The following TENM2 variants were observed in gnomAD, a reference collection of about 807,000 sequenced individuals.
The protein encoded by TENM2 is teneurin transmembrane protein 2, also known as teneurin-2.
In TENM2, 52 loss-of-function variants were observed where a neutral mutation model predicts 245.2. That is an observed-to-expected ratio of 0.21 (90% CI 0.17 to 0.27). The LOEUF is 0.27. Ranked by LOEUF, TENM2 falls within the 10% of genes least tolerant of loss-of-function variation. The pLI is 1.00. For synonymous variants in TENM2, 1,363 were observed against 1,438.9 expected, an observed-to-expected ratio of 0.95 and a Z score of 1.19; for missense variants, 3,046 against 3,666.8, an observed-to-expected ratio of 0.83 and a Z score of 4.37.
chr5:167,017,152 G>A, the TENM2 span, among the ~76,000 whole-genome samples: 3 of 152,160 alleles, frequency 2.0e-5, no homozygotes, highest in Admixed American at 6.5e-5. Context: ...TGGACTCTGG[G>A]TAAAAATCTG....
intron 2 of TENM2, among the ~76,000 whole-genome samples, chr5:167,495,580 G>T (rs910620080): frequency 1.3e-5 from 2 of 152,054 alleles, no homozygotes; most frequent in African/African-American, 4.8e-5. Context: ...GCATATTAAG[G>T]AAGTGCCGAA....
intron 1 of TENM2, among the ~76,000 whole-genome samples, chr5:167,361,106 G>A (rs1759684238): frequency 6.6e-6 from 1 of 152,148 alleles, no homozygotes; most frequent in Non-Finnish European, 1.5e-5. Flanking sequence ...GCTGAGTGAT[G>A]TGACATAATA....
intron 9 of TENM2, among the ~76,000 whole-genome samples, chr5:168,099,044 G>A (rs1793594726): frequency 6.6e-6 from 1 of 152,004 alleles, no homozygotes. Context: ...CAAGTAGCTG[G>A]AATTACAGGC....
rs144845121 is a variant in TENM2, at chr5:167,594,716, G to A, written c.502+219243G>A. Among the ~76,000 whole-genome samples the A allele has an allele frequency of 1.9e-4, 29 of 152,270 alleles. No individual in the cohort carries two copies. In the East Asian group the frequency reaches 5.6e-3, roughly 29 times the overall value. On this transcript the variant is annotated intron_variant, in intron 2 of 28. Coordinates refer to ENST00000518659, the Ensembl canonical transcript of TENM2. The stretch of plus-strand genomic sequence containing the variant: ...AGGGATTCAGATAGCAAAGGAGAGA[G>A]GATTGTGCACTTTGGTGTCTTTTCA...
intron 2 of TENM2, among the ~76,000 whole-genome samples, chr5:167,390,050 G>T (rs975291201): frequency 2.6e-5 from 4 of 152,074 alleles, no homozygotes; most frequent in Non-Finnish European, 5.9e-5. Context: ...AGGTCCTATT[G>T]TACCTTATTG....
chr5:168,047,484 A>T, exon 6 of TENM2: 1 of 1,551,714 alleles, frequency 6.4e-7, no homozygotes, highest in Non-Finnish European at 8.7e-7. Flanking sequence ...CACACCTTTA[A>T]CAATGGGATA....
intron 3 of TENM2, among the ~76,000 whole-genome samples, chr5:167,904,319 G>A (rs1040085893): frequency 6.6e-6 from 1 of 152,090 alleles, no homozygotes; most frequent in Non-Finnish European, 1.5e-5. Context: ...CCTGGACAAT[G>A]GTGAGCAATC....
chr5:167,971,045 T>A (rs1395423422), intron 4 of TENM2, among the ~76,000 whole-genome samples: 2 of 152,190 alleles, frequency 1.3e-5, no homozygotes, highest in African/African-American at 4.8e-5. Context: ...GGGGACATCC[T>A]CATGTCCTGT....
chr5:167,207,523 A>G, the TENM2 span, among the ~76,000 whole-genome samples: 1 of 152,186 alleles, frequency 6.6e-6, no homozygotes, highest in Non-Finnish European at 1.5e-5. Flanking sequence ...CACATCTGCA[A>G]GCCAAATTAG....
the TENM2 span, among the ~76,000 whole-genome samples, chr5:167,069,386 C>T: frequency 6.6e-6 from 1 of 152,260 alleles, no homozygotes; most frequent in Non-Finnish European, 1.5e-5. Context: ...ATTAAAGAAT[C>T]TCCAAATCTT....
At chr5:167,671,595 T>G (rs1042615030) in intron 2 of TENM2, among the ~76,000 whole-genome samples, 10 of 152,166 alleles carry the variant, frequency 6.6e-5, no homozygotes, top group Non-Finnish European at 1.2e-4. Flanking sequence ...AATATTGTAT[T>G]TTATAGTGAT....
At chr5:167,044,871 C>A in the TENM2 span, among the ~76,000 whole-genome samples, 1 of 152,188 alleles carries the variant, frequency 6.6e-6, no homozygotes, top group Admixed American at 6.5e-5. Flanking sequence ...CTTATTGCAG[C>A]AGCAAGAGAG....
intron 2 of TENM2, among the ~76,000 whole-genome samples, chr5:167,679,932 A>C (rs1756588421): frequency 6.6e-6 from 1 of 152,146 alleles, no homozygotes; most frequent in Non-Finnish European, 1.5e-5. Flanking sequence ...TTCATTGGCC[A>C]AGATAACCTT....
At chr5:167,249,426 C>T in the TENM2 span, among the ~76,000 whole-genome samples, 83 of 152,094 alleles carry the variant, frequency 5.5e-4, no homozygotes, top group Middle Eastern at 0.01. Flanking sequence ...CATTTTTTCC[C>T]GTTCTTCTTT....
At chr5:167,524,116 A>G (rs750113643) in intron 2 of TENM2, among the ~76,000 whole-genome samples, 1 of 152,160 alleles carries the variant, frequency 6.6e-6, no homozygotes, top group Non-Finnish European at 1.5e-5. Flanking sequence ...TTGAGTCAGC[A>G]TCTCTGAATT....
At chr5:167,911,612 A>G (rs1010143059) in intron 3 of TENM2, among the ~76,000 whole-genome samples, 1 of 152,254 alleles carries the variant, frequency 6.6e-6, no homozygotes, top group Non-Finnish European at 1.5e-5. Flanking sequence ...TAGGTTACAC[A>G]TTGGAACTAC....
At position 167,616,771 on chromosome 5, in the gene TENM2, A is replaced by G. The variant is rs143353168; in HGVS notation, c.502+241298A>G. ...AATTGTTTTCTTCTTCTTTTGATTT[A>G]CTCAAACATAAAAAGGGCAATGCAT... On this transcript the variant is annotated intron_variant, in intron 2 of 28. Transcript: ENST00000518659. Among the ~76,000 whole-genome samples the G allele has an allele frequency of 1.8e-4, 27 of 152,196 alleles. No individual in the cohort carries two copies. In the East Asian group the frequency reaches 4.4e-3, roughly 25 times the overall value.
chr5:168,249,718 G>A (rs575193847), intron 27 of TENM2, among the ~76,000 whole-genome samples: 53 of 152,078 alleles, frequency 3.5e-4, no homozygotes, highest in Non-Finnish European at 6.6e-4. Context: ...AATTAGCTGC[G>A]TGTGGTGGCA....
intron 2 of TENM2, among the ~76,000 whole-genome samples, chr5:167,781,196 A>C (rs991903017): frequency 6.6e-6 from 1 of 152,146 alleles, no homozygotes; most frequent in Non-Finnish European, 1.5e-5. Context: ...CTGTAGTTAC[A>C]GCTACTTGGG....
Sources: gnomAD v4.1 joint callset for allele counts (sites outside exome capture counted in the v4.1 genomes callset) on GRCh38, gnomAD v4.1.1 for gene constraint, MANE v1.5 for transcripts, NCBI Gene and HGNC (gene_info 2026-07-23, HGNC 2026-07-21) for gene names.